Variants in PSMD1 observed in about 807,000 individuals in gnomAD.
The protein encoded by PSMD1 is proteasome 26S subunit, non-ATPase 1.
A neutral mutation model predicts 119.0 loss-of-function variants in PSMD1; 18 were observed. The observed-to-expected ratio is 0.15, with a 90% CI of 0.10 to 0.22. PSMD1 has a LOEUF of 0.22. Ranked by LOEUF, PSMD1 falls within the 10% of genes least tolerant of loss-of-function variation. PSMD1 has a pLI of 1.00. For synonymous variants in PSMD1, 374 were observed against 396.6 expected, an observed-to-expected ratio of 0.94 and a Z score of 0.68; for missense variants, 702 against 1,158.5, an observed-to-expected ratio of 0.61 and a Z score of 5.72.
rs1435842829 is a variant in PSMD1, at chr2:231,170,121, G to C, written c.2716-445G>C. 6.6e-6 allele frequency among the ~76,000 whole-genome samples: 1 copy of C among 152,164 alleles called. No individual in the cohort carries two copies. The highest frequency in any genetic ancestry group is 1.5e-5 in the Non-Finnish European group (1 of 68,028). ...TGTGCATCAGATTGACTGGGATCTT[G>C]TTAGAATGCAGATTCTGCAGATCTA... On this transcript the variant is annotated intron_variant, in intron 23 of 24. Coordinates refer to ENST00000308696, the MANE Select transcript of PSMD1 (RefSeq NM_002807.4). The surrounding 1 kb of genome is among the most constrained non-coding windows in gnomAD (Gnocchi z 4.1).
At chr2:231,084,110 A>G (rs1694376833) in intron 14 of PSMD1, among the ~76,000 whole-genome samples, 1 of 152,052 alleles carries the variant, frequency 6.6e-6, no homozygotes, top group Non-Finnish European at 1.5e-5. Context: ...GCATTTTGGG[A>G]GGCCGAGGCA....
chr2:231,065,361 C>G (rs1445755742), intron 4 of PSMD1, among the ~76,000 whole-genome samples: 1 of 151,366 alleles, frequency 6.6e-6, no homozygotes, highest in East Asian at 1.9e-4. Flanking sequence ...GGCGCGATCT[C>G]GGCTCACTGG....
At chr2:231,108,690 A>C in intron 16 of PSMD1, 2 of 1,614,104 alleles carry the variant, frequency 1.2e-6, no homozygotes, top group Non-Finnish European at 1.7e-6. Flanking sequence ...AAAAACTTAG[A>C]GTTCTCTGCC....
intron 4 of PSMD1, among the ~76,000 whole-genome samples, chr2:231,062,937 A>G (rs1443014298): frequency 1.3e-5 from 2 of 152,162 alleles, no homozygotes; most frequent in Non-Finnish European, 2.9e-5. Context: ...ATGAGTAACA[A>G]GTGGTACCAG....
chr2:231,097,651 C>G (rs370037308), intron 16 of PSMD1, among the ~76,000 whole-genome samples: 5 of 152,020 alleles, frequency 3.3e-5, no homozygotes, highest in Non-Finnish European at 7.4e-5. Flanking sequence ...TATTGTCACC[C>G]ACCAAAATAT....
chr2:231,166,739 T>C (rs1173113138), intron 23 of PSMD1, among the ~76,000 whole-genome samples: 1 of 152,186 alleles, frequency 6.6e-6, no homozygotes, highest in Non-Finnish European at 1.5e-5. Flanking sequence ...CTGTCTAAAA[T>C]GTCAGAGATT....
intron 13 of PSMD1, 63 bp from the exon 14 acceptor site, chr2:231,083,504 T>A: frequency 1.3e-6 from 2 of 1,541,620 alleles, no homozygotes; most frequent in Non-Finnish European, 9.0e-7. Flanking sequence ...CTACTTTCAG[T>A]TGGATGTTTT....
chr2:231,136,887 G>A (rs914627467), intron 16 of PSMD1, among the ~76,000 whole-genome samples: 3 of 147,328 alleles, frequency 2.0e-5, no homozygotes, highest in African/African-American at 7.5e-5. Context: ...TTTCTCCTTA[G>A]CATTCATATC....
rs1693730609 is a variant in PSMD1, at chr2:231,060,510, T to C, written c.17-757T>C. The C allele has an allele frequency of 2.6e-5, 4 of 152,372 alleles. No homozygotes were observed. In the South Asian group the frequency reaches 8.3e-4, roughly 32 times the overall value. 9.4% of individuals were successfully genotyped at this position (152,372 alleles called of 1,614,324 possible). A position where few individuals can be genotyped will look rare whatever the true frequency, so the allele number is the denominator to read the frequency against. On this transcript the variant is annotated intron_variant, in intron 1 of 24. Coordinates refer to ENST00000308696, the MANE Select transcript of PSMD1 (RefSeq NM_002807.4). Reference sequence around the variant, plus strand: ...ATAATTTCCCATATCATTTTTCCAATAATCCCTTTGACCTTTGACTATATT... The same window carrying C: ...ATAATTTCCCATATCATTTTTCCAACAATCCCTTTGACCTTTGACTATATT...
intron 20 of PSMD1, among the ~76,000 whole-genome samples, chr2:231,162,699 CAT>C: frequency 1.3e-5 from 2 of 151,850 alleles, no homozygotes; most frequent in Admixed American, 6.6e-5. Flanking sequence ...TGGTTGTGCA[CAT>C]CTGTAGTCCC....
At chr2:231,102,583 A>C (rs906029371) in intron 16 of PSMD1, among the ~76,000 whole-genome samples, 1 of 152,226 alleles carries the variant, frequency 6.6e-6, no homozygotes, top group Admixed American at 6.5e-5. Flanking sequence ...ATCATAAGGA[A>C]GAGAAAACAC....
intron 11 of PSMD1, 130 bp from the exon 12 acceptor site, chr2:231,080,011 G>A: frequency 1.3e-6 from 1 of 742,740 alleles, no homozygotes; most frequent in Non-Finnish European, 2.1e-6. Flanking sequence ...TTATATGAGA[G>A]AGAGCCCCAC....
chr2:231,087,268 T>C, intron 16 of PSMD1, 87 bp downstream of exon 16: 1 of 1,150,918 alleles, frequency 8.7e-7, no homozygotes, highest in Non-Finnish European at 1.3e-6. Context: ...AACAGTTTAG[T>C]CACTAAACAA....
At chr2:231,062,353 A>G in intron 3 of PSMD1, 32 bp downstream of exon 3, 1 of 1,554,156 alleles carries the variant, frequency 6.4e-7, no homozygotes, top group South Asian at 1.1e-5. Context: ...TCAGAATAAG[A>G]TGGATCAAAT....
chr2:231,139,575 AG>A lies in PSMD1; in HGVS notation c.1998+726del, dbSNP rs1315669326. ...TGATTTCTTAAAAAAAAAAAAAAAA[AG>A]AAGAAGAAGAAGAAGAAAATAAAAT... On this transcript the variant is annotated intron_variant, in intron 17 of 24. Transcript: ENST00000308696. Among the ~76,000 whole-genome samples the A allele has an allele frequency of 7.4e-3, 1,034 of 140,546 alleles. 17 individuals carry two copies. Among genetic ancestry groups the A allele is most frequent in the African/African-American group, 0.025 (984 of 38,626 alleles). 92.2% of individuals were successfully genotyped at this position (140,546 alleles called of 152,430 possible).
intron 16 of PSMD1, among the ~76,000 whole-genome samples, chr2:231,111,068 A>G (rs1177901061): frequency 6.6e-6 from 1 of 152,180 alleles, no homozygotes; most frequent in Non-Finnish European, 1.5e-5. Context: ...ACATTTGTTC[A>G]TCTTCATCAA....
chr2:231,108,588 T>C lies in PSMD1; in HGVS notation c.1883+21407T>C, dbSNP rs772206074. The C allele has an allele frequency of 2.4e-5, 38 of 1,613,894 alleles. No homozygotes were observed. The South Asian group carries it at 4.1e-4, about 17-fold the overall frequency. ...GTGAGGAGAAGCGTATCTAGTAGAA[T>C]GATTGATGAAGACTGAATGGTTGAA... is the stretch of plus-strand genomic sequence containing the variant. On this transcript the variant is annotated intron_variant, in intron 16 of 24. Coordinates refer to ENST00000308696, the MANE Select transcript of PSMD1 (RefSeq NM_002807.4).
At position 231,154,575 on chromosome 2, in the gene PSMD1, A is replaced by C. The variant is rs6735247; in HGVS notation, c.2218+909A>C. Reference sequence around the variant, plus strand: ...CTTAACCTCCTGGGCTCAGGCAATCATCTTGCCTCAGCCTCCCAAGTAGCT... The same window carrying C: ...CTTAACCTCCTGGGCTCAGGCAATCCTCTTGCCTCAGCCTCCCAAGTAGCT... On this transcript the variant is annotated intron_variant, in intron 19 of 24. Transcript: ENST00000308696. Among the ~76,000 whole-genome samples the C allele has an allele frequency of 8.3e-3, 1,268 of 152,244 alleles. 25 individuals are homozygous for C. The highest frequency in any genetic ancestry group is 0.029 in the African/African-American group (1,218 of 41,544).
intron 24 of PSMD1, among the ~76,000 whole-genome samples, chr2:231,171,294 G>A (rs1696904910): frequency 6.6e-6 from 1 of 152,168 alleles, no homozygotes; most frequent in African/African-American, 2.4e-5. Context: ...ATAAGACATA[G>A]TGCTTATAGG....
Sources: allele counts gnomAD v4.1 joint callset (sites outside exome capture counted in the v4.1 genomes callset), GRCh38; gene constraint gnomAD v4.1.1; non-coding constraint Gnocchi (gnomAD v3.1); transcripts MANE v1.5; gene names NCBI Gene and HGNC (gene_info 2026-07-23, HGNC 2026-07-21).